Variants in TRHR observed in about 807,000 individuals in gnomAD.
TRHR encodes thyrotropin-releasing hormone receptor.
TRHR carries 14 observed loss-of-function variants against 28.0 expected under a neutral mutation model. The ratio of observed to expected loss-of-function variants is 0.50; its 90% CI spans 0.33 to 0.78. The LOEUF (loss-of-function observed/expected upper bound fraction) is 0.78. Ranked by LOEUF, TRHR falls within the 30% of genes least tolerant of loss-of-function variation. TRHR has a pLI of 0.02. For synonymous variants in TRHR, 176 were observed against 171.9 expected (o/e 1.02, Z -0.18); for missense variants, 438 against 469.5 (o/e 0.93, Z 0.62).
At chr8:109,107,692 G>A (rs1434685845) in intron 2 of TRHR, among the ~76,000 whole-genome samples, 2 of 152,176 alleles carry the variant, frequency 1.3e-5, no homozygotes, top group South Asian at 2.1e-4. Context: ...TTAACACAGA[G>A]TGATAAAGCT....
chr8:109,088,848 C>T lies in TRHR; in HGVS notation c.789+547C>T, dbSNP rs150268244. Among the ~76,000 whole-genome samples, 646 of 152,128 alleles carry T rather than the reference C, an allele frequency of 4.2e-3. 2 individuals are homozygous for T. Among genetic ancestry groups the T allele is most frequent in the Middle Eastern group, 0.017 (5 of 294 alleles). ...TCTTAGTGGGGAAAGATTCTATCAC[C>T]CTCTCCTCCAGCTCCCTACACAGTG... On this transcript the variant is annotated intron_variant, in intron 2 of 2. Coordinates refer to ENST00000518632, the MANE Select transcript of TRHR (RefSeq NM_003301.7).
intron 2 of TRHR, among the ~76,000 whole-genome samples, chr8:109,089,646 C>T (rs1258639014): frequency 6.6e-6 from 1 of 151,924 alleles, no homozygotes; most frequent in Non-Finnish European, 1.5e-5. Flanking sequence ...ATTTCTTTTG[C>T]CTTGGATCTA....
intron 2 of TRHR, among the ~76,000 whole-genome samples, chr8:109,102,052 G>A (rs1257688045): frequency 2.0e-5 from 3 of 152,112 alleles, no homozygotes; most frequent in African/African-American, 7.2e-5. Flanking sequence ...GAAGTACCCA[G>A]TTTCTGAATG....
Position 109,119,906 on chromosome 8 carries a change from G to C in TRHR, c.*451G>C, listed in dbSNP as rs1811980286. ...TTAGTATTCATTTTAACATAGTACA[G>C]GGCTAGTTCATGAATATCTGAAATT... On this transcript the variant is annotated 3_prime_UTR_variant, in exon 3 of 3. Transcript: ENST00000518632. Among the ~76,000 whole-genome samples, 1 of 151,692 alleles carries C rather than the reference G, an allele frequency of 6.6e-6. No homozygotes were observed. The highest frequency in any genetic ancestry group is 2.1e-4 in the South Asian group (1 of 4,822).
intron 2 of TRHR, among the ~76,000 whole-genome samples, chr8:109,095,708 T>C (rs1410394983): frequency 6.6e-6 from 1 of 152,176 alleles, no homozygotes; most frequent in South Asian, 2.1e-4. Flanking sequence ...CCAAATCCAA[T>C]AGGTCTAAAG....
chr8:109,114,984 T>C (rs1440847586), intron 2 of TRHR, among the ~76,000 whole-genome samples: 2 of 151,938 alleles, frequency 1.3e-5, no homozygotes, highest in South Asian at 2.1e-4. Flanking sequence ...CAATCAAAAG[T>C]ATAGTATAAG....
chr8:109,095,483 T>G (rs745355703), intron 2 of TRHR, among the ~76,000 whole-genome samples: 28 of 152,252 alleles, frequency 1.8e-4, no homozygotes, highest in Non-Finnish European at 2.9e-4. Flanking sequence ...AAGCAAGCTA[T>G]GGAAGGGAAG....
At chr8:109,109,815 T>C (rs1586193311) in intron 2 of TRHR, among the ~76,000 whole-genome samples, 1 of 152,192 alleles carries the variant, frequency 6.6e-6, no homozygotes, top group South Asian at 2.1e-4. Flanking sequence ...CTCTCTAACT[T>C]TCTTCTTGAA....
rs1245697028 is a variant in TRHR, at chr8:109,121,384, C to A, written c.*1929C>A. Among the ~76,000 whole-genome samples the A allele has an allele frequency of 6.6e-6, 1 of 151,630 alleles. No individual in the cohort carries two copies. Among genetic ancestry groups the A allele is most frequent in the Admixed American group, 6.6e-5 (1 of 15,178 alleles). On this transcript the variant is annotated 3_prime_UTR_variant, in exon 3 of 3. Coordinates refer to ENST00000518632, the MANE Select transcript of TRHR (RefSeq NM_003301.7). ...GGGATTGGAATATACGAGATTTTTT[C>A]ATTACAGAAAGGACCTAATATCATT...
chr8:109,087,593 C>T lies in TRHR; in HGVS notation c.81C>T (p.Val27=), dbSNP rs967853524. Reference sequence around the variant, plus strand: ...TGGTGGCCTTAGAATACCAGGTGGTCACCATCTTACTTGTACTCATTATTT... The same window carrying T: ...TGGTGGCCTTAGAATACCAGGTGGTTACCATCTTACTTGTACTCATTATTT... ...RAVVALEYQV[V]TILLVLIICG... Residue 27 remains valine (V), a synonymous_variant, in exon 2 of 3, where the codon GTC becomes GTT. Coordinates refer to ENST00000518632, the MANE Select transcript of TRHR (RefSeq NM_003301.7). The T allele has an allele frequency of 1.2e-6, 2 of 1,614,066 alleles. No individual in the cohort carries two copies. The highest frequency in any genetic ancestry group is 2.7e-5 in the African/African-American group (2 of 74,924).
intron 2 of TRHR, among the ~76,000 whole-genome samples, chr8:109,107,049 G>C (rs552918916): frequency 1.3e-5 from 2 of 152,214 alleles, no homozygotes; most frequent in East Asian, 3.9e-4. Flanking sequence ...CCACTCTCCA[G>C]AATTATTAAT....
rs1042001554 is a variant in TRHR at position 109,120,016 on chromosome 8, G to A, written c.*561G>A. Among the ~76,000 whole-genome samples the A allele has an allele frequency of 2.6e-5, 4 of 151,780 alleles. No homozygotes were observed. The highest frequency in any genetic ancestry group is 9.7e-5 in the African/African-American group (4 of 41,398). ...ACATGTTAACTGTATTTTAAAAGTT[G>A]CCATAATGTTTATAAAATTCTGAGA... On this transcript the variant is annotated 3_prime_UTR_variant, in exon 3 of 3. Transcript: ENST00000518632.
rs1811996668 is a variant in TRHR, at chr8:109,120,777, C to T, written c.*1322C>T. ...GACACTTGTCAGTTCCTACCTGAAT[C>T]TCTTACCTATTGAGATTTGGCCAAC... On this transcript the variant is annotated 3_prime_UTR_variant, in exon 3 of 3. Coordinates refer to ENST00000518632, the MANE Select transcript of TRHR (RefSeq NM_003301.7). Among the ~76,000 whole-genome samples, 1 of 151,598 alleles carries T rather than the reference C, an allele frequency of 6.6e-6. No homozygotes were observed. Among genetic ancestry groups the T allele is most frequent in the East Asian group, 1.9e-4 (1 of 5,142 alleles).
intron 2 of TRHR, among the ~76,000 whole-genome samples, chr8:109,100,912 A>T (rs1200366300): frequency 6.6e-6 from 1 of 152,146 alleles, no homozygotes; most frequent in Non-Finnish European, 1.5e-5. Context: ...TCTAGAAATA[A>T]CACAATCAGT....
chr8:109,088,285 T>C lies in TRHR; in HGVS notation c.773T>C (p.Val258Ala). ...NTSNRCFNST[V>A]SSRKQVTKML... ...TCTAATAGATGTTTCAACAGCACAG[T>C]ATCTTCAAGGAAGCAGGTAAGCAAA... is the stretch of plus-strand genomic sequence containing the variant. Residue 258 changes from valine to alanine, a missense_variant, in exon 2 of 3, where the codon GTA (valine) becomes GCA (alanine). Coordinates refer to ENST00000518632, the MANE Select transcript of TRHR (RefSeq NM_003301.7). 6.2e-7 allele frequency: 1 copy of C among 1,613,774 alleles called. No homozygotes were observed. The highest frequency in any genetic ancestry group is 1.1e-5 in the South Asian group (1 of 91,034).
intron 2 of TRHR, among the ~76,000 whole-genome samples, chr8:109,094,450 A>G (rs1397552269): frequency 6.6e-5 from 10 of 151,944 alleles, no homozygotes; most frequent in Admixed American, 6.6e-4. Flanking sequence ...ATTTATTCCA[A>G]TGTCTGGGTT....
intron 2 of TRHR, among the ~76,000 whole-genome samples, chr8:109,104,499 C>A (rs1295429878): frequency 6.6e-6 from 1 of 151,774 alleles, no homozygotes; most frequent in Non-Finnish European, 1.5e-5. Context: ...TACTACCTGG[C>A]CAATATTTTA....
chr8:109,097,327 T>TA (rs1293135044), intron 2 of TRHR, among the ~76,000 whole-genome samples: 1 of 152,180 alleles, frequency 6.6e-6, no homozygotes, highest in Admixed American at 6.5e-5. Flanking sequence ...ATCATCTTCT[T>TA]AAAAATATAT....
chr8:109,116,635 G>T (rs1233109910), intron 2 of TRHR, among the ~76,000 whole-genome samples: 1 of 152,064 alleles, frequency 6.6e-6, no homozygotes, highest in African/African-American at 2.4e-5. Context: ...ATTTCTGTGG[G>T]ATCAGTGGTG....
Sources: gnomAD v4.1 joint callset for allele counts (sites outside exome capture counted in the v4.1 genomes callset) on GRCh38, gnomAD v4.1.1 for gene constraint, MANE v1.5 for transcripts, NCBI Gene and HGNC (gene_info 2026-07-23, HGNC 2026-07-21) for gene names.